Variants in AGRN observed in about 807,000 individuals in gnomAD.
The protein encoded by AGRN is agrin, also known as agrin proteoglycan.
A neutral mutation model predicts 211.0 loss-of-function variants in AGRN; 106 were observed. The observed-to-expected ratio is 0.50, with a 90% CI of 0.43 to 0.59. AGRN has a LOEUF of 0.59. Among genes scored for constraint, AGRN ranks in the 20% least tolerant of loss-of-function variants. The pLI, the probability that AGRN is intolerant of heterozygous loss-of-function variation, is 0.00. For synonymous variants in AGRN, 1,525 were observed against 1,332.5 expected (o/e 1.14, Z -3.15); for missense variants, 3,040 against 2,982.6 (o/e 1.02, Z -0.45).
chr1:1,034,765 A>C, intron 2 of AGRN: 1 of 1,001,640 alleles, frequency 1.0e-6, no homozygotes, highest in Non-Finnish European at 1.2e-6. Context: ...CCCTGCACAT[A>C]GAGGCTGGAG....
intron 21 of AGRN, 27 bp from the exon 22 acceptor site, chr1:1,047,749 C>T (rs1440178739): frequency 6.2e-7 from 1 of 1,610,898 alleles, no homozygotes; most frequent in Non-Finnish European, 8.5e-7. Flanking sequence ...TGGGGCTCTG[C>T]CATGCTCAGA....
chr1:1,045,379 C>T lies in AGRN; in HGVS notation c.2392C>T (p.His798Tyr), dbSNP rs1466605806. Residue 798 changes from histidine to tyrosine, a missense_variant, in exon 14 of 36, where the codon CAT (histidine) becomes TAT (tyrosine). His to Tyr is a moderately conservative substitution (Grantham distance 83, BLOSUM62 2). Coordinates refer to ENST00000379370, the MANE Select transcript of AGRN (RefSeq NM_198576.4). The part of the protein sequence containing the change: ...GCPSACQCNP[H>Y]GSYGGTCDPA... The stretch of plus-strand genomic sequence containing the variant: ...TTCAGGTGCCTGCCAGTGCAACCCC[C>T]ATGGCTCTTACGGCGGCACCTGTGA... The T allele has an allele frequency of 1.2e-6, 2 of 1,611,994 alleles. No individual in the cohort carries two copies. The highest frequency in any genetic ancestry group is 8.5e-7 in the Non-Finnish European group (1 of 1,179,950).
At chr1:1,033,801 G>A (rs1306193701) in intron 2 of AGRN, among the ~76,000 whole-genome samples, 1 of 133,190 alleles carries the variant, frequency 7.5e-6, no homozygotes, top group Non-Finnish European at 1.6e-5. Context: ...AGCGCTCCCG[G>A]CCCCGGGCCC....
Position 1,054,619 on chromosome 1 carries a change from C to T in AGRN, c.5980+68C>T, listed in dbSNP as rs1298485454. ...CATGATATCCGAGGGACAGACTCCA[C>T]CCCCCAGCGCCCACCCTTGAGTCAG... On this transcript the variant is annotated intron_variant, in intron 35 of 35. Coordinates refer to ENST00000379370, the MANE Select transcript of AGRN (RefSeq NM_198576.4). 3.1e-5 allele frequency: 47 copies of T among 1,518,858 alleles called. 1 individual carries two copies. The Admixed American group carries it at 9.0e-4, about 29-fold the overall frequency. 94.1% of individuals were successfully genotyped at this position (1,518,858 alleles called of 1,614,324 possible).
At chr1:1,024,983 G>C (rs931610759) in intron 2 of AGRN, among the ~76,000 whole-genome samples, 3 of 152,056 alleles carry the variant, frequency 2.0e-5, no homozygotes, top group Non-Finnish European at 4.4e-5. Context: ...CGACTCCTCC[G>C]GCCCTCGCCA....
At chr1:1,054,103 C>T in intron 34 of AGRN, 126 bp downstream of exon 34, 1 of 1,048,798 alleles carries the variant, frequency 9.5e-7, no homozygotes, top group Non-Finnish European at 1.4e-6. Flanking sequence ...GAGCCGAGGT[C>T]ACTGCCAGTG....
At chr1:1,024,341 G>A (rs1475639733) in intron 2 of AGRN, among the ~76,000 whole-genome samples, 5 of 152,010 alleles carry the variant, frequency 3.3e-5, no homozygotes, top group African/African-American at 1.2e-4. Context: ...TCCATCTCCT[G>A]CTCTGTAGGA....
chr1:1,050,236 C>T lies in AGRN; in HGVS notation c.4883C>T (p.Ser1628Leu), dbSNP rs368849231. Reference protein sequence around the residue: ...GREGTFCQTASGQDGSGPFLA... With the variant: ...GREGTFCQTALGQDGSGPFLA... ...GCCTTGGTGACTCTCCCTACAGCCT[C>T]GGGGCAGGACGGCTCTGGGCCCTTC... The change falls in exon 28 of 36, where the codon TCG (serine) becomes TTG (leucine). Residue 1628 changes from serine (S) to leucine (L), a missense_variant. This residue lies in a region of AGRN where 1,537 missense variants were observed against 1,505.0 expected (regional missense o/e 1.02). Transcript: ENST00000379370. 5.8e-5 allele frequency: 94 copies of T among 1,612,960 alleles called. No individual in the cohort carries two copies. Among genetic ancestry groups the T allele is most frequent in the Non-Finnish European group, 6.9e-5 (82 of 1,179,932 alleles).
In AGRN at chr1:1,035,285, G is replaced by C; in HGVS notation, c.472G>C (p.Gly158Arg). The change falls in exon 3 of 36, where the codon GGG becomes CGG. Residue 158 changes from glycine (G) to arginine (R), a missense_variant. Physicochemically the swap from Gly to Arg is moderately radical, Grantham distance 125. This residue lies in a region of AGRN where 1,498 missense variants were observed against 1,457.8 expected (regional missense o/e 1.03). Transcript: ENST00000379370. ...EVEFCVEDKP[G>R]THFTPVPPTP... is the part of the protein sequence containing the mutation. ...GATTTGTTTTCTTCCAGATAAACCC[G>C]GGACCCACTTCACTCCAGTGCCTCC... 6.2e-7 allele frequency: 1 copy of C among 1,613,112 alleles called. No homozygotes were observed. The highest frequency in any genetic ancestry group is 8.5e-7 in the Non-Finnish European group (1 of 1,179,978).
chr1:1,020,350 G>A lies in AGRN; in HGVS notation c.178G>A (p.Val60Met). ...GGAGGAGATCCTCAACGTGGACCCG[G>A]TGCAGCACACGTACTCCTGCAAGGT... is the stretch of plus-strand genomic sequence containing the variant. ...TVEEILNVDP[V>M]QHTYSCKVRV... Residue 60 changes from valine to methionine, a missense_variant, in exon 1 of 36, where the codon GTG becomes ATG. Around this residue, in one of 3 missense-constraint regions of AGRN, gnomAD observed 1,498 missense variants for 1,457.8 expected, o/e 1.03. Transcript: ENST00000379370. The A allele has an allele frequency of 1.3e-6, 2 of 1,497,046 alleles. No individual in the cohort carries two copies. Among genetic ancestry groups the A allele is most frequent in the East Asian group, 2.9e-5 (1 of 34,920 alleles). 92.7% of individuals were successfully genotyped at this position (1,497,046 alleles called of 1,614,324 possible).
chr1:1,034,153 A>C (rs1190584997), intron 2 of AGRN: 1 of 985,042 alleles, frequency 1.0e-6, no homozygotes, highest in African/African-American at 1.7e-5. Context: ...CGGGGACAGC[A>C]GACCCTCGGC....
chr1:1,052,213 C>T (rs1645315822), intron 33 of AGRN: 2 of 507,986 alleles, frequency 3.9e-6, no homozygotes, highest in Admixed American at 2.9e-5. Flanking sequence ...GGCCGAGGGT[C>T]GCCCCACAGC....
chr1:1,021,178 G>A (rs1270343754), intron 1 of AGRN, among the ~76,000 whole-genome samples: 3 of 152,194 alleles, frequency 2.0e-5, no homozygotes, highest in Admixed American at 1.3e-4. Flanking sequence ...TGGCCGGTGC[G>A]GGCTACAGCT....
At position 1,048,326 on chromosome 1, in the gene AGRN, A is replaced by C. The variant is rs753847571; in HGVS notation, c.4066A>C (p.Ser1356Arg). The C allele has an allele frequency of 4.1e-6, 6 of 1,478,494 alleles. No homozygotes were observed. The highest frequency in any genetic ancestry group is 5.4e-6 in the Non-Finnish European group (6 of 1,111,198). 91.6% of individuals were successfully genotyped at this position (1,478,494 alleles called of 1,614,324 possible). A position where few individuals can be genotyped will look rare whatever the true frequency, so the allele number is the denominator to read the frequency against. The change falls in exon 23 of 36, where the codon AGC becomes CGC. Residue 1356 changes from serine (S) to arginine (R), a missense_variant. This residue lies in a region of AGRN where 1,537 missense variants were observed against 1,505.0 expected (regional missense o/e 1.02). Transcript: ENST00000379370. This position sits in a 1 kb window ranked among gnomAD's most constrained non-coding sequence, Gnocchi z 5.9. Reference protein sequence around the residue: ...DWALGGGFTCSCPAGRGGAVC... With the variant: ...DWALGGGFTCRCPAGRGGAVC... Reference sequence around the variant, plus strand: ...GGCATTGGGCGGGGGCTTCACCTGCAGCTGCCCGGCAGGCAGGGGAGGCGC... The same window carrying C: ...GGCATTGGGCGGGGGCTTCACCTGCCGCTGCCCGGCAGGCAGGGGAGGCGC...
Position 1,046,537 on chromosome 1 carries a change from C to G in AGRN, c.3052C>G (p.Pro1018Ala), listed in dbSNP as rs768059713. 1.2e-6 allele frequency: 2 copies of G among 1,610,720 alleles called. No individual in the cohort carries two copies. Among genetic ancestry groups the G allele is most frequent in the South Asian group, 1.1e-5 (1 of 91,014 alleles). Residue 1018 changes from proline (P) to alanine (A), a missense_variant, in exon 18 of 36, where the codon CCT becomes GCT. Physicochemically the swap from Pro to Ala is conservative, Grantham distance 27. Transcript: ENST00000379370. ...PSSTAHSQTT[P>A]PPSSRPRTTA... ...CAGTACCGCACACAGCCAGACCACC[C>G]CTCCGCCCTCATCACGACCTCGGAC...
chr1:1,037,881 C>T (rs1015110845), intron 3 of AGRN, among the ~76,000 whole-genome samples: 1 of 151,808 alleles, frequency 6.6e-6, no homozygotes, highest in African/African-American at 2.4e-5. Flanking sequence ...CGGGTACGTG[C>T]GTGTGTGCCA....
chr1:1,026,618 G>C (rs1242956861), intron 2 of AGRN, among the ~76,000 whole-genome samples: 2 of 152,146 alleles, frequency 1.3e-5, no homozygotes, highest in Non-Finnish European at 2.9e-5. Context: ...CCTGGGTGGG[G>C]CAGGAACGGA....
chr1:1,054,461 G>C lies in AGRN; in HGVS notation c.5890G>C (p.Gly1964Arg), dbSNP rs764961289. Residue 1964 changes from glycine to arginine, a missense_variant, in exon 35 of 36, where the codon GGT becomes CGT. Gly to Arg is a moderately radical substitution (Grantham distance 125, BLOSUM62 -2). Around this residue, in one of 3 missense-constraint regions of AGRN, gnomAD observed 1,537 missense variants for 1,505.0 expected, o/e 1.02. Coordinates refer to ENST00000379370, the MANE Select transcript of AGRN (RefSeq NM_198576.4). ...RVVAHREQREGSLQVGNEAPV... is the reference protein window; with the variant it reads ...RVVAHREQRERSLQVGNEAPV... The stretch of plus-strand genomic sequence containing the variant: ...CTGCACACCCAGGGAGCAGAGGGAA[G>C]GTTCCCTGCAGGTGGGCAATGAGGC... 6.3e-7 allele frequency: 1 copy of C among 1,591,456 alleles called. No homozygotes were observed. The highest frequency in any genetic ancestry group is 1.1e-5 in the South Asian group (1 of 87,436).
rs373066821 is a variant in AGRN at position 1,022,360 on chromosome 1, C to A, written c.361C>A (p.Pro121Thr). The A allele has an allele frequency of 6.2e-7, 1 of 1,613,376 alleles. No homozygotes were observed. Among genetic ancestry groups the A allele is most frequent in the Admixed American group, 1.7e-5 (1 of 60,026 alleles). The change falls in exon 2 of 36, where the codon CCC becomes ACC. Residue 121 changes from proline (P) to threonine (T), a missense_variant. Around this residue, in one of 3 missense-constraint regions of AGRN, gnomAD observed 1,498 missense variants for 1,457.8 expected, o/e 1.03. Transcript: ENST00000379370. ...DTRIFFVNPA[P>T]PYLWPAHKNE... is the part of the protein sequence containing the mutation. Reference sequence around the variant, plus strand: ...CAGGATCTTCTTTGTGAACCCTGCACCCCCATACCTGTGGCCAGCCCACAA... The same window carrying A: ...CAGGATCTTCTTTGTGAACCCTGCAACCCCATACCTGTGGCCAGCCCACAA...
Sources: gnomAD v4.1 joint callset for allele counts (sites outside exome capture counted in the v4.1 genomes callset) on GRCh38, gnomAD v4.1.1 for gene constraint, gnomAD v4.1.1 regional missense constraint, Gnocchi (gnomAD v3.1) non-coding constraint, MANE v1.5 for transcripts, NCBI Gene and HGNC (gene_info 2026-07-23, HGNC 2026-07-21) for gene names.